The following ATP11C variants were observed in gnomAD, a reference collection of about 807,000 sequenced individuals.
ATP11C encodes the protein phospholipid-transporting ATPase IG.
Under a neutral mutation model 97.4 loss-of-function variants are expected in ATP11C, and 36 were observed. The ratio of observed to expected loss-of-function variants is 0.37; its 90% CI spans 0.28 to 0.49. The LOEUF is 0.49. Among genes scored for constraint, ATP11C ranks in the 20% least tolerant of loss-of-function variants. The probability of loss-of-function intolerance (pLI) is 0.98; values close to 1 mark genes in which losing one functional copy is unlikely to be tolerated. For synonymous variants in ATP11C, 275 were observed against 290.9 expected (o/e 0.95, Z 0.56); for missense variants, 730 against 824.6 (o/e 0.89, Z 1.40).
intron 20 of ATP11C, among the ~76,000 whole-genome samples, chrX:139,765,588 G>A (rs1050997123): frequency 8.9e-6 from 1 of 112,032 alleles, no homozygotes; most frequent in African/African-American, 3.2e-5. Flanking sequence ...TCGCATAGAT[G>A]AGAAAGAAAG....
intron 1 of ATP11C, among the ~76,000 whole-genome samples, chrX:139,911,647 T>C (rs2085077196): frequency 9.0e-6 from 1 of 110,997 alleles, no homozygotes; most frequent in African/African-American, 3.3e-5. Context: ...TCTATGTATA[T>C]GCAAATCCTA....
At chrX:139,870,782 C>G (rs753657834) in intron 1 of ATP11C, among the ~76,000 whole-genome samples, 3 of 112,022 alleles carry the variant, frequency 2.7e-5, no homozygotes, top group Non-Finnish European at 5.6e-5. Flanking sequence ...CGCGGCCAGG[C>G]GCGGTGGCTC....
At chrX:139,794,418 T>C (rs962962637) in intron 12 of ATP11C, among the ~76,000 whole-genome samples, 1 of 112,459 alleles carries the variant, frequency 8.9e-6, no homozygotes, top group African/African-American at 3.2e-5. Flanking sequence ...TTTCAAGACT[T>C]CTTTGCACTT....
At chrX:139,746,407 T>C (rs2081686833) in intron 24 of ATP11C, among the ~76,000 whole-genome samples, 1 of 111,757 alleles carries the variant, frequency 8.9e-6, no homozygotes, top group African/African-American at 3.2e-5. Context: ...TTGATTTCAA[T>C]GTGCAGTATA....
chrX:139,832,135 A>G (rs993344548), intron 1 of ATP11C: 12 of 1,205,579 alleles, frequency 1.0e-5, no homozygotes, highest in African/African-American at 8.7e-5. Context: ...AAGAGGAGAA[A>G]TAAATATAGA....
intron 1 of ATP11C, among the ~76,000 whole-genome samples, chrX:139,877,192 A>G (rs1157640740): frequency 8.9e-6 from 1 of 112,226 alleles, no homozygotes. Context: ...GCCTATGTGC[A>G]GTACCAACTA....
chrX:139,746,004 A>C, intron 24 of ATP11C, 147 bp from the exon 25 acceptor site: 1 of 558,517 alleles, frequency 1.8e-6, no homozygotes, highest in Non-Finnish European at 2.7e-6. Context: ...AAAGGGTCAG[A>C]CTGAGCCAAA....
At position 139,847,708 on chromosome X, in the gene ATP11C, A is replaced by T. The variant is rs760035867; in HGVS notation, c.28-20885T>A. Among the ~76,000 whole-genome samples the T allele has an allele frequency of 3.7e-5, 4 of 108,826 alleles. No homozygotes were observed. In the South Asian group the frequency reaches 1.6e-3, roughly 44 times the overall value. 94.5% of individuals were successfully genotyped at this position (108,826 alleles called of 115,157 possible). ...TCAGAGCAAGAACCTATCTCAAAAAAAAAAAAAAAACTACGTCCTATAGAA... is the reference window on the plus strand; with the variant it reads ...TCAGAGCAAGAACCTATCTCAAAAATAAAAAAAAAACTACGTCCTATAGAA... On this transcript the variant is annotated intron_variant, in intron 1 of 29. Transcript: ENST00000682941.
At chrX:139,821,508 AAG>A (rs2083408854) in intron 2 of ATP11C, among the ~76,000 whole-genome samples, 2 of 112,594 alleles carry the variant, frequency 1.8e-5, no homozygotes, top group African/African-American at 6.5e-5. Context: ...TCCCAAATTA[AAG>A]AGTTTTTAAT....
Position 139,826,840 on chromosome X carries a change from G to C in ATP11C, c.28-17C>G. On this transcript the variant is annotated splice_polypyrimidine_tract_variant and intron_variant, in intron 1 of 29. Coordinates refer to ENST00000682941, the MANE Select transcript of ATP11C (RefSeq NM_001353812.2). ...TCCAGCACACTGACCAAGAGAAAAGGGAAAAAATTCAGTTTTTCATCACAT... is the reference window on the plus strand; with the variant it reads ...TCCAGCACACTGACCAAGAGAAAAGCGAAAAAATTCAGTTTTTCATCACAT... 2 of 1,192,586 alleles carry C rather than the reference G, an allele frequency of 1.7e-6. No individual in the cohort carries two copies. The highest frequency in any genetic ancestry group is 1.1e-6 in the Non-Finnish European group (1 of 884,931).
intron 1 of ATP11C, among the ~76,000 whole-genome samples, chrX:139,903,627 A>C (rs1371801614): frequency 9.2e-6 from 1 of 109,205 alleles, no homozygotes; most frequent in Non-Finnish European, 1.9e-5. Flanking sequence ...AATTAACTAT[A>C]AAAAAAATTT....
chrX:139,914,610 G>A (rs1397841408), intron 1 of ATP11C, among the ~76,000 whole-genome samples: 1 of 112,144 alleles, frequency 8.9e-6, no homozygotes, highest in Non-Finnish European at 1.9e-5. Flanking sequence ...CCTCCATAAT[G>A]TGGGTGGGCC....
At position 139,888,812 on chromosome X, in the gene ATP11C, G is replaced by GT. The variant is rs757115970; in HGVS notation, c.27+43203dup. ...ACATCTACACAGAAACCTGAACACA[G>GT]TTTTTTTTTTTTTGGAGACAGGGTC... On this transcript the variant is annotated intron_variant, in intron 1 of 29. Coordinates refer to ENST00000682941, the MANE Select transcript of ATP11C (RefSeq NM_001353812.2). Among the ~76,000 whole-genome samples the GT allele has an allele frequency of 2.5e-3, 255 of 102,413 alleles. 1 individual carries two copies. The highest frequency in any genetic ancestry group is 2.3e-3 in the Non-Finnish European group (112 of 49,462). The allele number at this position is 102,413 out of a possible 115,157, so 88.9% of individuals were successfully genotyped here.
At chrX:139,826,529 G>T (rs932325100) in intron 2 of ATP11C, among the ~76,000 whole-genome samples, 175 bp downstream of exon 2, 9 of 111,022 alleles carry the variant, frequency 8.1e-5, no homozygotes, top group Non-Finnish European at 1.1e-4. Flanking sequence ...AAGACAAAGT[G>T]ATTTTTTAAA....
At chrX:139,882,282 A>C (rs1186969371) in intron 1 of ATP11C, among the ~76,000 whole-genome samples, 1 of 112,065 alleles carries the variant, frequency 8.9e-6, no homozygotes, top group African/African-American at 3.2e-5. Context: ...GTTTTTTGGA[A>C]GAAAAAACAT....
intron 19 of ATP11C, among the ~76,000 whole-genome samples, chrX:139,772,703 G>T (rs372556733): frequency 1.8e-5 from 2 of 111,656 alleles, no homozygotes; most frequent in African/African-American, 6.5e-5. Context: ...AGACTTGCAT[G>T]GGCCCTCTAA....
intron 28 of ATP11C, among the ~76,000 whole-genome samples, chrX:139,734,785 A>G (rs1172363957): frequency 1.8e-5 from 2 of 111,312 alleles, no homozygotes; most frequent in East Asian, 5.7e-4. Context: ...AACTTTGGGG[A>G]AAAAAATTAA....
At chrX:139,784,808 G>A (rs1407694478) in intron 16 of ATP11C, among the ~76,000 whole-genome samples, 1 of 111,278 alleles carries the variant, frequency 9.0e-6, no homozygotes, top group African/African-American at 3.3e-5. Context: ...AACCAGGAAG[G>A]TCAGTGAGGG....
At chrX:139,929,166 T>C (rs752962781) in intron 1 of ATP11C, among the ~76,000 whole-genome samples, 3 of 112,099 alleles carry the variant, frequency 2.7e-5, no homozygotes, top group South Asian at 3.7e-4. Context: ...TATGGAGATG[T>C]TGACTTGAGA....
Sources: allele counts gnomAD v4.1 joint callset (sites outside exome capture counted in the v4.1 genomes callset), GRCh38; gene constraint gnomAD v4.1.1; transcripts MANE v1.5; gene names NCBI Gene and HGNC (gene_info 2026-07-23, HGNC 2026-07-21).